Variants in MAP3K2 observed in about 807,000 individuals in gnomAD.
MAP3K2 encodes the protein mitogen-activated protein kinase kinase kinase 2, also known as MAP/ERK kinase kinase 2.
Under a neutral mutation model 80.3 loss-of-function variants are expected in MAP3K2, and 24 were observed. The observed-to-expected ratio is 0.30, with a 90% CI of 0.22 to 0.42. MAP3K2 has a LOEUF of 0.42. Ranked by LOEUF, MAP3K2 falls within the 10% of genes least tolerant of loss-of-function variation. The pLI is 1.00. For missense variants in MAP3K2, 608 were observed against 750.1 expected, an observed-to-expected ratio of 0.81 and a Z score of 2.21; for synonymous variants, 244 against 253.7, an observed-to-expected ratio of 0.96 and a Z score of 0.36.
rs1478875893 is a variant in MAP3K2 at position 127,317,814 on chromosome 2, A to T, written c.1195-54T>A. ...TCAACAATGTCAGTAAAAGCAAAAA[A>T]TTCTAACTTCATGGACCATCAAGGT... On this transcript the variant is annotated intron_variant, in intron 13 of 16. Transcript: ENST00000682094. The T allele has an allele frequency of 4.0e-6, 6 of 1,518,556 alleles. No individual in the cohort carries two copies. The African/African-American group carries it at 5.5e-5, about 14-fold the overall frequency. 94.1% of individuals were successfully genotyped at this position (1,518,556 alleles called of 1,614,324 possible).
At chr2:127,349,362 C>G (rs911189896) in intron 1 of MAP3K2, among the ~76,000 whole-genome samples, 1 of 151,940 alleles carries the variant, frequency 6.6e-6, no homozygotes, top group Non-Finnish European at 1.5e-5. Context: ...TATGGCGTCT[C>G]ACTGTGTTGC....
At chr2:127,336,439 A>G (rs927461348) in intron 4 of MAP3K2, among the ~76,000 whole-genome samples, 1 of 152,214 alleles carries the variant, frequency 6.6e-6, no homozygotes, top group Non-Finnish European at 1.5e-5. Flanking sequence ...TCCAAAATAA[A>G]TATTTTTACA....
At chr2:127,374,272 T>C (rs1363870440) in intron 1 of MAP3K2, among the ~76,000 whole-genome samples, 1 of 152,202 alleles carries the variant, frequency 6.6e-6, no homozygotes, top group Non-Finnish European at 1.5e-5. Flanking sequence ...GCCCACCCTG[T>C]GTGCACTTTT....
In MAP3K2 at chr2:127,318,258, T is replaced by C; in HGVS notation, c.1105A>G (p.Arg369Gly). 1 of 1,610,794 alleles carries C rather than the reference T, an allele frequency of 6.2e-7. No individual in the cohort carries two copies. The highest frequency in any genetic ancestry group is 8.5e-7 in the Non-Finnish European group (1 of 1,178,656). Residue 369 changes from arginine (R) to glycine (G), a missense_variant, in exon 13 of 17, where the codon AGG (arginine) becomes GGG (glycine). Coordinates refer to ENST00000682094, the MANE Select transcript of MAP3K2 (RefSeq NM_001371910.2). Reference protein sequence around the residue: ...GKLLGQGAFGRVYLCYDVDTG... With the variant: ...GKLLGQGAFGGVYLCYDVDTG... Reference sequence around the variant, plus strand: ...TCAACATCATAACAGAGGTAGACCCTTCCAAAGGCTCCTTGGCCAAGCAGT... The same window carrying C: ...TCAACATCATAACAGAGGTAGACCCCTCCAAAGGCTCCTTGGCCAAGCAGT...
intron 1 of MAP3K2, among the ~76,000 whole-genome samples, chr2:127,368,023 A>G (rs1687000579): frequency 2.0e-5 from 3 of 151,912 alleles, no homozygotes; most frequent in Admixed American, 2.0e-4. Context: ...AGTCCCTCAT[A>G]TAAAATGGCA....
chr2:127,349,001 T>TAAGG (rs1686644548), intron 1 of MAP3K2, among the ~76,000 whole-genome samples: 1 of 152,180 alleles, frequency 6.6e-6, no homozygotes. Flanking sequence ...AACAACCATG[T>TAAGG]TATCCTTGCA....
intron 1 of MAP3K2, among the ~76,000 whole-genome samples, chr2:127,382,571 T>C (rs1687265334): frequency 6.6e-6 from 1 of 152,244 alleles, no homozygotes. Context: ...CTCACTCTAT[T>C]GCCCAGGATG....
At chr2:127,341,301 A>C (rs945569622) in intron 2 of MAP3K2, among the ~76,000 whole-genome samples, 11 of 151,862 alleles carry the variant, frequency 7.2e-5, no homozygotes, top group African/African-American at 2.4e-4. Flanking sequence ...CTTATTTATT[A>C]AGAAAAATGA....
At position 127,324,083 on chromosome 2, in the gene MAP3K2, T is replaced by C; in HGVS notation, c.746-89A>G. 2.7e-6 allele frequency: 3 copies of C among 1,117,954 alleles called. No individual in the cohort carries two copies. The South Asian group carries it at 4.9e-5, about 18-fold the overall frequency. 69.3% of individuals were successfully genotyped at this position (1,117,954 alleles called of 1,614,324 possible). Reference sequence around the variant, plus strand: ...GAAAAGCACATTTATAAATCTTTATTTGACTTTTCAAAAATCCCCCCTCTC... The same window carrying C: ...GAAAAGCACATTTATAAATCTTTATCTGACTTTTCAAAAATCCCCCCTCTC... On this transcript the variant is annotated intron_variant, in intron 10 of 16. Coordinates refer to ENST00000682094, the MANE Select transcript of MAP3K2 (RefSeq NM_001371910.2).
At chr2:127,363,574 C>T (rs1039788831) in intron 1 of MAP3K2, among the ~76,000 whole-genome samples, 4 of 152,196 alleles carry the variant, frequency 2.6e-5, no homozygotes, top group Admixed American at 6.5e-5. Context: ...ACCTCAAACT[C>T]CAACACAAAA....
intron 15 of MAP3K2, among the ~76,000 whole-genome samples, chr2:127,313,027 A>G (rs1457892357): frequency 6.6e-6 from 1 of 152,116 alleles, no homozygotes; most frequent in Admixed American, 6.6e-5. Flanking sequence ...ACCACCATCA[A>G]TCATATGGAA....
In MAP3K2 at chr2:127,374,344, G is replaced by A. The variant is rs139602945; in HGVS notation, c.-66+13108C>T. Reference sequence around the variant, plus strand: ...TCTTATTTTTATTACACACATTCGGGCCCACAGCTCACTGCCTGGCCCACT... The same window carrying A: ...TCTTATTTTTATTACACACATTCGGACCCACAGCTCACTGCCTGGCCCACT... On this transcript the variant is annotated intron_variant, in intron 1 of 16. Transcript: ENST00000682094. 5.7e-3 allele frequency among the ~76,000 whole-genome samples: 871 copies of A among 152,100 alleles called. 6 individuals are homozygous for A. The highest frequency in any genetic ancestry group is 0.02 in the African/African-American group (834 of 41,446).
chr2:127,371,756 A>G lies in MAP3K2; in HGVS notation c.-66+15696T>C, dbSNP rs374506132. Among the ~76,000 whole-genome samples, 16 of 152,346 alleles carry G rather than the reference A, an allele frequency of 1.1e-4. No homozygotes were observed. In the South Asian group the frequency reaches 3.3e-3, roughly 32 times the overall value. ...TCTATGTGGAGAGGCAGGTCATATG[A>G]AGAGGGAATGTCCCAATAATAGAGA... On this transcript the variant is annotated intron_variant, in intron 1 of 16. Coordinates refer to ENST00000682094, the MANE Select transcript of MAP3K2 (RefSeq NM_001371910.2).
chr2:127,362,784 A>G (rs1026340133), intron 1 of MAP3K2, among the ~76,000 whole-genome samples: 3 of 152,228 alleles, frequency 2.0e-5, no homozygotes, highest in Non-Finnish European at 4.4e-5. Flanking sequence ...ACAAACATTT[A>G]ATATTATTTG....
chr2:127,382,152 G>A (rs950130520), intron 1 of MAP3K2, among the ~76,000 whole-genome samples: 4 of 152,190 alleles, frequency 2.6e-5, no homozygotes, highest in South Asian at 2.1e-4. Context: ...CAGTACGAAT[G>A]AGATGTAAAT....
In MAP3K2 at chr2:127,326,818, C is replaced by A; in HGVS notation, c.467-1G>T. 1 of 1,538,076 alleles carries A rather than the reference C, an allele frequency of 6.5e-7. No individual in the cohort carries two copies. The highest frequency in any genetic ancestry group is 8.8e-7 in the Non-Finnish European group (1 of 1,142,290). ...GAACTTCTATCTCTACTAGTAGGAC[C>A]TCAAGGAAGAAAAATAATGTAATTT... On this transcript the variant is annotated splice_acceptor_variant, in intron 7 of 16. Coordinates refer to ENST00000682094, the MANE Select transcript of MAP3K2 (RefSeq NM_001371910.2). LOFTEE classifies it high-confidence loss of function.
intron 2 of MAP3K2, among the ~76,000 whole-genome samples, chr2:127,340,792 A>C (rs1419376367): frequency 5.3e-5 from 8 of 152,020 alleles, no homozygotes; most frequent in Non-Finnish European, 1.2e-4. Flanking sequence ...TCCTGGGCTC[A>C]AGCGATCCTC....
intron 1 of MAP3K2, among the ~76,000 whole-genome samples, chr2:127,365,418 C>T (rs1404587589): frequency 6.6e-6 from 1 of 152,170 alleles, no homozygotes; most frequent in East Asian, 1.9e-4. Flanking sequence ...CTGTGTCAAC[C>T]TGGTTACATC....
Position 127,302,744 on chromosome 2 carries a change from T to A in MAP3K2, c.*4835A>T, listed in dbSNP as rs1331942130. 3 of 152,168 alleles carry A rather than the reference T, an allele frequency of 2.0e-5. No homozygotes were observed. The highest frequency in any genetic ancestry group is 7.2e-5 in the African/African-American group (3 of 41,438). 9.4% of individuals were successfully genotyped at this position (152,168 alleles called of 1,614,324 possible). ...GCCAATGTGATTGAAAATCAAATAT[T>A]CAACCCAGAAAACATTTACATGTCT... On this transcript the variant is annotated 3_prime_UTR_variant, in exon 17 of 17. Coordinates refer to ENST00000682094, the MANE Select transcript of MAP3K2 (RefSeq NM_001371910.2).
Sources: allele counts gnomAD v4.1 joint callset (sites outside exome capture counted in the v4.1 genomes callset), GRCh38; gene constraint gnomAD v4.1.1; transcripts MANE v1.5; gene names NCBI Gene and HGNC (gene_info 2026-07-23, HGNC 2026-07-21).